SOX6: variants seen among roughly 807,000 people sequenced by gnomAD.
SOX6 encodes the protein SRY-box transcription factor 6, also known as transcription factor SOX-6.
SOX6 carries 11 observed loss-of-function variants against 97.8 expected under a neutral mutation model. That is an observed-to-expected ratio of 0.11 (90% CI 0.07 to 0.19). SOX6 has a LOEUF of 0.19. Among genes scored for constraint, SOX6 ranks in the 10% least tolerant of loss-of-function variants. The pLI is 1.00. For missense variants in SOX6, 810 were observed against 1,039.5 expected (o/e 0.78, Z 3.04); for synonymous variants, 360 against 371.4 (o/e 0.97, Z 0.35).
rs1375664280 is a variant in SOX6, at chr11:16,583,603, G to GTATATATATACATATATATATA, written n.609+28456_609+28477dup. On this transcript the variant is annotated intron_variant and non_coding_transcript_variant, in intron 4 of 5. Coordinates refer to the SOX6 transcript ENST00000524520. ...TGTATATATATATATGTATATATGTGTATATATATACATATATATATATAT... is the reference window on the plus strand; with the variant it reads ...TGTATATATATATATGTATATATGTGTATATATATACATATATATATATATATATATACATATATATATATAT... 1.2e-3 allele frequency among the ~76,000 whole-genome samples: 28 copies of GTATATATATACATATATATATA among 22,636 alleles called. 1 individual carries two copies. The highest frequency in any genetic ancestry group is 3.6e-3 in the East Asian group (3 of 832). The allele number at this position is 22,636 out of a possible 152,430, so 14.9% of individuals were successfully genotyped here.
intron 3 of SOX6, among the ~76,000 whole-genome samples, chr11:16,695,636 AC>A (rs1372324565): frequency 6.6e-6 from 1 of 152,202 alleles, no homozygotes; most frequent in African/African-American, 2.4e-5. Context: ...TTCTAAGAAC[AC>A]ATGTGATATC....
intron 3 of SOX6, among the ~76,000 whole-genome samples, chr11:16,692,441 A>C (rs919760677): frequency 4.6e-5 from 7 of 152,072 alleles, no homozygotes; most frequent in African/African-American, 1.4e-4. Context: ...TCCTCAATGC[A>C]GCCTGCCCCA....
chr11:16,643,210 C>T (rs140417539), intron 3 of SOX6, among the ~76,000 whole-genome samples: 1,832 of 152,294 alleles, frequency 0.012, 18 homozygotes, highest in Non-Finnish European at 0.018. Context: ...GTGTCAGCAG[C>T]GGAGGCTGCA....
intron 2 of SOX6, among the ~76,000 whole-genome samples, chr11:16,333,249 A>G (rs1856362915): frequency 6.6e-6 from 1 of 152,182 alleles, no homozygotes; most frequent in South Asian, 2.1e-4. Context: ...GCTGATCTAG[A>G]AGGACTTTGA....
intron 6 of SOX6, among the ~76,000 whole-genome samples, chr11:16,119,615 CAGTA>C (rs1050985090): frequency 1.3e-5 from 2 of 152,158 alleles, no homozygotes; most frequent in African/African-American, 4.8e-5. Flanking sequence ...CCTAAAAACA[CAGTA>C]AGTATTTTGT....
chr11:16,582,953 A>C (rs1054114606), intron 4 of SOX6, among the ~76,000 whole-genome samples: 1 of 152,108 alleles, frequency 6.6e-6, no homozygotes, highest in Non-Finnish European at 1.5e-5. Flanking sequence ...CAAAGATGGC[A>C]AGACGCTACT....
intron 4 of SOX6, among the ~76,000 whole-genome samples, chr11:16,568,690 A>C (rs557701373): frequency 6.6e-6 from 1 of 152,322 alleles, no homozygotes; most frequent in Non-Finnish European, 1.5e-5. Flanking sequence ...ATATGCATTT[A>C]AAAAGTATCT....
At chr11:16,497,394 C>T (rs572485277) in intron 4 of SOX6, among the ~76,000 whole-genome samples, 59 of 152,220 alleles carry the variant, frequency 3.9e-4, no homozygotes, top group Non-Finnish European at 7.4e-4. Flanking sequence ...ACTGGAATCT[C>T]TAAAAATCAG....
intron 7 of SOX6, among the ~76,000 whole-genome samples, chr11:16,109,002 T>C (rs944182835): frequency 1.3e-5 from 2 of 152,104 alleles, no homozygotes; most frequent in East Asian, 3.9e-4. Context: ...CATGAAATCA[T>C]TTCAGATACG....
At chr11:16,408,536 A>G (rs993944897) in intron 1 of SOX6, among the ~76,000 whole-genome samples, 2 of 152,224 alleles carry the variant, frequency 1.3e-5, no homozygotes, top group Non-Finnish European at 2.9e-5. Flanking sequence ...AGAACAGACA[A>G]GGACAGAAAA....
chr11:16,709,372 G>A (rs961947259), intron 3 of SOX6, among the ~76,000 whole-genome samples: 3 of 152,148 alleles, frequency 2.0e-5, no homozygotes, highest in African/African-American at 7.2e-5. Flanking sequence ...ACAAAAATTA[G>A]CTGGGCATGG....
In SOX6 at chr11:16,055,743, C is replaced by T. The variant is rs138446990; in HGVS notation, c.1251+9G>A. On this transcript the variant is annotated intron_variant, in intron 10 of 15. Coordinates refer to ENST00000683767, the MANE Select transcript of SOX6 (RefSeq NM_001367873.1). ...AAACTGTTTCCACAATGCTGCAAGG[C>T]GAGTGTACCTTAACTTGAGTTACAG... 819 of 1,613,470 alleles carry T rather than the reference C, an allele frequency of 5.1e-4. 13 individuals carry two copies. The East Asian group carries it at 0.013, about 25-fold the overall frequency.
intron 3 of SOX6, among the ~76,000 whole-genome samples, chr11:16,617,875 G>A (rs1037149010): frequency 6.6e-6 from 1 of 151,754 alleles, no homozygotes; most frequent in African/African-American, 2.4e-5. Flanking sequence ...CTATTTATAG[G>A]TAAGAAAAAT....
At chr11:16,644,905 G>C (rs1348349802) in intron 3 of SOX6, among the ~76,000 whole-genome samples, 1 of 152,146 alleles carries the variant, frequency 6.6e-6, no homozygotes, top group Non-Finnish European at 1.5e-5. Flanking sequence ...AAAGTCAATG[G>C]GGGCAGAGGA....
intron 9 of SOX6, among the ~76,000 whole-genome samples, chr11:16,068,929 T>C (rs1241192902): frequency 1.3e-5 from 2 of 152,242 alleles, no homozygotes; most frequent in African/African-American, 2.4e-5. Context: ...TTTATCTTTA[T>C]GTCCCTAGCA....
intron 1 of SOX6, among the ~76,000 whole-genome samples, chr11:16,474,193 C>T (rs1417702517): frequency 6.6e-6 from 1 of 152,188 alleles, no homozygotes; most frequent in Non-Finnish European, 1.5e-5. Context: ...GCAGTTACCT[C>T]CTCCAATGAA....
intron 4 of SOX6, among the ~76,000 whole-genome samples, chr11:16,574,885 C>T (rs1198052642): frequency 6.6e-6 from 1 of 151,728 alleles, no homozygotes; most frequent in Non-Finnish European, 1.5e-5. Context: ...ACTAAAAATA[C>T]AAAAATTAGC....
intron 3 of SOX6, among the ~76,000 whole-genome samples, chr11:16,296,119 AC>A (rs1477460374): frequency 6.6e-6 from 1 of 152,068 alleles, no homozygotes; most frequent in East Asian, 1.9e-4. Flanking sequence ...CATTTTTATA[AC>A]TCTTTAAATT....
chr11:16,427,288 C>A (rs1332572167), intron 1 of SOX6, among the ~76,000 whole-genome samples: 2 of 151,372 alleles, frequency 1.3e-5, no homozygotes, highest in South Asian at 2.1e-4. Flanking sequence ...AAACAAACAA[C>A]CCCACTAAAA....
Sources: gnomAD v4.1 joint callset for allele counts (sites outside exome capture counted in the v4.1 genomes callset) on GRCh38, gnomAD v4.1.1 for gene constraint, MANE v1.5 for transcripts, NCBI Gene and HGNC (gene_info 2026-07-23, HGNC 2026-07-21) for gene names.